COL27A1: variants seen among roughly 807,000 people sequenced by gnomAD.
The protein encoded by COL27A1 is collagen type XXVII alpha 1 chain, also known as collagen alpha-1(XXVII) chain.
COL27A1 carries 106 observed loss-of-function variants against 251.3 expected under a neutral mutation model. That is an observed-to-expected ratio of 0.42 (90% CI 0.36 to 0.50). The LOEUF (loss-of-function observed/expected upper bound fraction) is 0.50, where lower values mean the gene tolerates loss of function less well. Among genes scored for constraint, COL27A1 ranks in the 20% least tolerant of loss-of-function variants. The pLI is 0.00. For missense variants in COL27A1, 2,325 were observed against 2,522.8 expected, an observed-to-expected ratio of 0.92 and a Z score of 1.68; for synonymous variants, 1,000 against 986.3, an observed-to-expected ratio of 1.01 and a Z score of -0.26.
chr9:114,198,676 T>A (rs1829334721), intron 7 of COL27A1, among the ~76,000 whole-genome samples: 2 of 151,978 alleles, frequency 1.3e-5, no homozygotes, highest in South Asian at 4.1e-4. Flanking sequence ...CAAGACAGTG[T>A]CCATCTGGTA....
Position 114,252,951 on chromosome 9 carries a change from A to G in COL27A1, c.3141+19A>G. The stretch of plus-strand genomic sequence containing the variant: ...ACCCCAGGTAAGCAAAGCCCTCGTG[A>G]TCCCTAAGCTCAAACCACTGTCAGA... On this transcript the variant is annotated intron_variant, in intron 27 of 60. Transcript: ENST00000356083. 3.1e-6 allele frequency: 5 copies of G among 1,605,712 alleles called. No individual in the cohort carries two copies. Among genetic ancestry groups the G allele is most frequent in the Non-Finnish European group, 4.3e-6 (5 of 1,174,402 alleles).
chr9:114,251,851 C>A (rs189920054), intron 25 of COL27A1, among the ~76,000 whole-genome samples: 2 of 152,244 alleles, frequency 1.3e-5, no homozygotes, highest in Non-Finnish European at 2.9e-5. Flanking sequence ...AATAATAACA[C>A]CTTAGCACCA....
intron 19 of COL27A1, among the ~76,000 whole-genome samples, chr9:114,239,833 G>A (rs1428143554): frequency 6.6e-6 from 1 of 152,180 alleles, no homozygotes; most frequent in Non-Finnish European, 1.5e-5. Flanking sequence ...CTCTTTGCAG[G>A]ATTACTGCAG....
At chr9:114,184,032 T>G (rs1221343041) in intron 5 of COL27A1, among the ~76,000 whole-genome samples, 1 of 152,080 alleles carries the variant, frequency 6.6e-6, no homozygotes, top group Non-Finnish European at 1.5e-5. Context: ...AAAAGAAAGT[T>G]TGTGGAATGG....
At chr9:114,268,210 G>T (rs974762391) in intron 34 of COL27A1, among the ~76,000 whole-genome samples, 3 of 152,078 alleles carry the variant, frequency 2.0e-5, no homozygotes, top group African/African-American at 7.2e-5. Flanking sequence ...CTGGAGCAGG[G>T]CTGGGGGCTC....
chr9:114,287,874 C>T (rs921031533), intron 41 of COL27A1, among the ~76,000 whole-genome samples: 1 of 152,198 alleles, frequency 6.6e-6, no homozygotes, highest in Non-Finnish European at 1.5e-5. Context: ...CTCTCCGAGC[C>T]TCATCTGTGA....
rs141900076 is a variant in COL27A1 at position 114,303,528 on chromosome 9, C to T, written c.4873-1080C>T. Among the ~76,000 whole-genome samples, 864 of 152,206 alleles carry T rather than the reference C, an allele frequency of 5.7e-3. 8 individuals carry two copies. The highest frequency in any genetic ancestry group is 0.02 in the African/African-American group (824 of 41,534). On this transcript the variant is annotated intron_variant, in intron 56 of 60. Transcript: ENST00000356083. ...TGCTGGGATTACAGGGGTGAGCCACCGTGGCCGGGCTACAGGTGCTTTTCA... is the reference window on the plus strand; with the variant it reads ...TGCTGGGATTACAGGGGTGAGCCACTGTGGCCGGGCTACAGGTGCTTTTCA...
intron 1 of COL27A1, among the ~76,000 whole-genome samples, chr9:114,156,720 G>T (rs1006933479): frequency 2.0e-5 from 3 of 152,194 alleles, no homozygotes; most frequent in Non-Finnish European, 1.5e-5. Context: ...GGGCCGGAGA[G>T]GGGCAGGGAC....
chr9:114,178,255 G>A (rs780679157), intron 3 of COL27A1, 36 bp from the exon 4 acceptor site: 2 of 1,578,258 alleles, frequency 1.3e-6, no homozygotes, highest in South Asian at 2.2e-5. Context: ...CTGCCAGTGG[G>A]CACTGTCTAA....
At chr9:114,301,819 A>T in intron 55 of COL27A1, 102 bp downstream of exon 55, 8 of 1,181,558 alleles carry the variant, frequency 6.8e-6, no homozygotes, top group South Asian at 1.4e-5. Context: ...TGAACCCCAC[A>T]GGGGTTCTTG....
In COL27A1 at chr9:114,168,169, A is replaced by T. The variant is rs1208949290; in HGVS notation, c.614A>T (p.His205Leu). The T allele has an allele frequency of 6.2e-7, 1 of 1,613,564 alleles. No homozygotes were observed. The highest frequency in any genetic ancestry group is 8.5e-7 in the Non-Finnish European group (1 of 1,180,024). The change falls in exon 3 of 61, where the codon CAT (histidine) becomes CTT (leucine). Residue 205 changes from histidine to leucine, a missense_variant. By Grantham distance (99) the His-to-Leu change is moderately conservative. Around this residue, in one of 4 missense-constraint regions of COL27A1, gnomAD observed 1,183 missense variants for 1,144.1 expected, o/e 1.03. Transcript: ENST00000356083. ...GSFLFGKMNP[H>L]AVQFEGALCQ... ...TTCCTCTTTGGGAAGATGAACCCGC[A>T]TGCAGTCCAGTTTGAAGGTGCTCTC...
rs749536750 is a variant in COL27A1 at position 114,292,156 on chromosome 9, G to A, written c.4530G>A (p.Glu1510=). 1.2e-5 allele frequency: 18 copies of A among 1,561,474 alleles called. No individual in the cohort carries two copies. The highest frequency in any genetic ancestry group is 4.1e-5 in the African/African-American group (3 of 73,596). The change falls in exon 49 of 61, where the codon GAG becomes GAA. Residue 1510 remains glutamate (E), a synonymous_variant. Coordinates refer to ENST00000356083, the MANE Select transcript of COL27A1 (RefSeq NM_032888.4). ...QLGPPGKRGT[E]GRTGLPGNQG... ...GTCCCCCTGGCAAGCGAGGAACAGAGGGCAGAACGGGGCTCCCTGGAAACC... is the reference window on the plus strand; with the variant it reads ...GTCCCCCTGGCAAGCGAGGAACAGAAGGCAGAACGGGGCTCCCTGGAAACC...
intron 41 of COL27A1, among the ~76,000 whole-genome samples, chr9:114,287,482 C>T (rs937314716): frequency 6.6e-6 from 1 of 152,182 alleles, no homozygotes; most frequent in Non-Finnish European, 1.5e-5. Flanking sequence ...GCATAAGGAC[C>T]TCACCTCTAA....
chr9:114,309,454 C>T lies in COL27A1; in HGVS notation c.5412C>T (p.Pro1804=), dbSNP rs750281633. Residue 1804 remains proline (P), a synonymous_variant, in exon 60 of 61, where the codon CCC becomes CCT. Coordinates refer to ENST00000356083, the MANE Select transcript of COL27A1 (RefSeq NM_032888.4). ...QIFEAGGQFR[P]EVSMDGCKVQ... ...TTGAAGCTGGGGGTCAGTTCCGGCC[C>T]GAGGTGTCCATGGATGGCTGCAAGG... The T allele has an allele frequency of 5.6e-6, 9 of 1,613,674 alleles. No individual in the cohort carries two copies. Among genetic ancestry groups the T allele is most frequent in the Admixed American group, 5.0e-5 (3 of 59,984 alleles).
At chr9:114,205,295 T>G in intron 8 of COL27A1, 149 bp downstream of exon 8, 1 of 675,498 alleles carries the variant, frequency 1.5e-6, no homozygotes, top group Non-Finnish European at 2.5e-6. Flanking sequence ...CCCAGCCCAC[T>G]CCAGTCCACC....
chr9:114,261,248 A>T (rs1245228327), intron 28 of COL27A1, among the ~76,000 whole-genome samples: 1 of 152,158 alleles, frequency 6.6e-6, no homozygotes, highest in Non-Finnish European at 1.5e-5. Flanking sequence ...ACCAAGCCTG[A>T]TCCCCAGGCC....
intron 5 of COL27A1, among the ~76,000 whole-genome samples, chr9:114,187,592 T>A (rs1473716072): frequency 6.6e-6 from 1 of 152,272 alleles, no homozygotes; most frequent in Non-Finnish European, 1.5e-5. Flanking sequence ...AATCTAGCCC[T>A]CAGCTCCACA....
intron 2 of COL27A1, among the ~76,000 whole-genome samples, chr9:114,166,659 C>T (rs1848912849): frequency 6.6e-6 from 1 of 152,196 alleles, no homozygotes; most frequent in Non-Finnish European, 1.5e-5. Flanking sequence ...TTTTCCTTCC[C>T]TGCTGAGTCA....
At chr9:114,169,797 G>A (rs1588572945) in intron 3 of COL27A1, among the ~76,000 whole-genome samples, 1 of 152,204 alleles carries the variant, frequency 6.6e-6, no homozygotes, top group East Asian at 1.9e-4. Context: ...AGGAAGGCCC[G>A]TAGCTGACTG....
Sources: gnomAD v4.1 joint callset for allele counts (sites outside exome capture counted in the v4.1 genomes callset) on GRCh38, gnomAD v4.1.1 for gene constraint, gnomAD v4.1.1 regional missense constraint, MANE v1.5 for transcripts, NCBI Gene and HGNC (gene_info 2026-07-23, HGNC 2026-07-21) for gene names.